Variants in CLCNKA observed in about 807,000 individuals in gnomAD.
The protein encoded by CLCNKA is chloride channel protein ClC-Ka.
In CLCNKA, 66 loss-of-function variants were observed where a neutral mutation model predicts 83.3. The ratio of observed to expected loss-of-function variants is 0.79; its 90% CI spans 0.65 to 0.97. CLCNKA has a LOEUF of 0.97. CLCNKA is among the 50% of genes least tolerant of loss of function. The pLI is 0.00. For synonymous variants in CLCNKA, 357 were observed against 370.4 expected, an observed-to-expected ratio of 0.96 and a Z score of 0.42; for missense variants, 806 against 888.7, an observed-to-expected ratio of 0.91 and a Z score of 1.18.
At chr1:16,031,955 A>T (rs1392755165) in intron 16 of CLCNKA, 112 bp downstream of exon 16, 3 of 1,560,404 alleles carry the variant, frequency 1.9e-6, no homozygotes. Context: ...TTAGCAACCA[A>T]CCGTGTGACC....
At chr1:16,032,582 A>C in intron 18 of CLCNKA, 56 bp downstream of exon 18, 1 of 1,344,372 alleles carries the variant, frequency 7.4e-7, no homozygotes. Context: ...GCAAGAGCTG[A>C]TGAGGAGCTC....
rs883867 is a variant in CLCNKA at position 16,031,590 on chromosome 1, C to A, written c.1623-120C>A. ...CCCTCATTCCAGGAACCTCTCCAGC[C>A]CTGCTCACACTCCAGAGCCGTGGGT... On this transcript the variant is annotated intron_variant, in intron 15 of 19. Coordinates refer to ENST00000331433, the MANE Select transcript of CLCNKA (RefSeq NM_004070.4). 0.091 allele frequency: 131,161 copies of A among 1,437,134 alleles called. 6,620 individuals carry two copies. Among genetic ancestry groups the A allele is most frequent in the Non-Finnish European group, 0.1 (104,883 of 1,040,944 alleles). The allele number at this position is 1,437,134 out of a possible 1,614,324, so 89.0% of individuals were successfully genotyped here. A position where few individuals can be genotyped will look rare whatever the true frequency, so the allele number is the denominator to read the frequency against.
At chr1:16,031,420 A>G (rs1223001314) in intron 15 of CLCNKA, among the ~76,000 whole-genome samples, 1 of 152,142 alleles carries the variant, frequency 6.6e-6, no homozygotes. Flanking sequence ...GTTTTCCGTC[A>G]TCTCACACTC....
At chr1:16,029,885 T>C (rs1298359465) in intron 13 of CLCNKA, 80 bp from the exon 14 acceptor site, 5 of 1,601,746 alleles carry the variant, frequency 3.1e-6, no homozygotes, top group African/African-American at 2.7e-5. Context: ...TCCCGGGTGG[T>C]ACTAAGGATG....
chr1:16,028,461 C>A, intron 10 of CLCNKA: 2 of 616,276 alleles, frequency 3.2e-6, no homozygotes, highest in Non-Finnish European at 5.9e-6. Context: ...ATGCACATGG[C>A]CCGCCCCGGC....
chr1:16,030,450 T>A lies in CLCNKA; in HGVS notation c.1409-11T>A. Reference sequence around the variant, plus strand: ...TGGCCTGAGCCGACCTGTGTGGCTCTGCCCCGGCAGGGGCTGCAGCCTTCT... The same window carrying A: ...TGGCCTGAGCCGACCTGTGTGGCTCAGCCCCGGCAGGGGCTGCAGCCTTCT... On this transcript the variant is annotated splice_polypyrimidine_tract_variant and intron_variant, in intron 14 of 19. Coordinates refer to ENST00000331433, the MANE Select transcript of CLCNKA (RefSeq NM_004070.4). 6.2e-7 allele frequency: 1 copy of A among 1,612,312 alleles called. No individual in the cohort carries two copies. The highest frequency in any genetic ancestry group is 1.3e-5 in the African/African-American group (1 of 75,060).
chr1:16,033,548 T>TGGGGGGGGGGGGG, intron 19 of CLCNKA, 63 bp from the exon 20 acceptor site: 1 of 1,121,918 alleles, frequency 8.9e-7, no homozygotes. Context: ...CTAAAAATGC[T>TGGGGGGGGGGGGG]GGAGCCCCCC....
At chr1:16,026,860 T>C in intron 7 of CLCNKA, 85 bp downstream of exon 7, 1 of 1,537,328 alleles carries the variant, frequency 6.5e-7, no homozygotes, top group Non-Finnish European at 9.0e-7. Flanking sequence ...GCTGAGAGCC[T>C]GGAGGAGGGG....
chr1:16,025,755 T>A (rs1458085714), intron 4 of CLCNKA, among the ~76,000 whole-genome samples: 1 of 152,080 alleles, frequency 6.6e-6, no homozygotes, highest in Non-Finnish European at 1.5e-5. Flanking sequence ...TTTTTGTTTG[T>A]TTGTTCGTTT....
At position 16,023,781 on chromosome 1, in the gene CLCNKA, C is replaced by G; in HGVS notation, c.101-19C>G. 1 of 1,613,788 alleles carries G rather than the reference C, an allele frequency of 6.2e-7. No homozygotes were observed. The highest frequency in any genetic ancestry group is 1.1e-5 in the South Asian group (1 of 91,076). ...CCCCTTGCCCCAACATAAGCTGGGACTCCGATACCCTGCCCCAGGTGGCCT... is the reference window on the plus strand; with the variant it reads ...CCCCTTGCCCCAACATAAGCTGGGAGTCCGATACCCTGCCCCAGGTGGCCT... On this transcript the variant is annotated intron_variant, in intron 2 of 19. Transcript: ENST00000331433.
intron 10 of CLCNKA, chr1:16,028,533 C>A: frequency 2.9e-6 from 2 of 679,034 alleles, no homozygotes; most frequent in Non-Finnish European, 2.7e-6. Flanking sequence ...CAATCTCCTG[C>A]GTGATTCCTC....
At position 16,028,046 on chromosome 1, in the gene CLCNKA, T is replaced by G; in HGVS notation, c.895T>G (p.Tyr299Asp). Residue 299 changes from tyrosine (Y) to aspartate (D), a missense_variant, in exon 10 of 20, where the codon TAC (tyrosine) becomes GAC (aspartate). Coordinates refer to ENST00000331433, the MANE Select transcript of CLCNKA (RefSeq NM_004070.4). ...GGICGVLSCA[Y>D]LFCQRTFLSF... ...CATCTGCGGCGTCCTGAGCTGTGCT[T>G]ACCTCTTCTGTCAGCGAACCTTCCT... 1 of 1,613,762 alleles carries G rather than the reference T, an allele frequency of 6.2e-7. No individual in the cohort carries two copies. The highest frequency in any genetic ancestry group is 8.5e-7 in the Non-Finnish European group (1 of 1,179,762).
chr1:16,026,274 G>GCCACCCCCCCCCCCCAACCCCCCCCCC, intron 5 of CLCNKA, 27 bp downstream of exon 5: 1 of 1,611,710 alleles, frequency 6.2e-7, no homozygotes, highest in Non-Finnish European at 8.5e-7. Flanking sequence ...GGGCACCCCA[G>GCCACCCCCCCCCCCCAACCCCCCCCCC]CCACCCCGCC....
rs753265556 is a variant in CLCNKA at position 16,027,808 on chromosome 1, C to T, written c.782-13C>T. On this transcript the variant is annotated splice_polypyrimidine_tract_variant and intron_variant, in intron 8 of 19. Transcript: ENST00000331433. ...GAGCGCCATCTTGGCTCCCCACTGC[C>T]CTCCTTCCCCAGAGACCATCACCTC... The T allele has an allele frequency of 1.2e-6, 2 of 1,605,604 alleles. No homozygotes were observed. Among genetic ancestry groups the T allele is most frequent in the Non-Finnish European group, 1.7e-6 (2 of 1,175,400 alleles).
chr1:16,026,460 G>A, intron 5 of CLCNKA, 76 bp from the exon 6 acceptor site: 1 of 1,588,674 alleles, frequency 6.3e-7, no homozygotes, highest in East Asian at 2.2e-5. Context: ...AGGAGGGGGT[G>A]TGGTGGGGAA....
intron 5 of CLCNKA, 110 bp downstream of exon 5, chr1:16,026,357 C>A: frequency 6.7e-7 from 1 of 1,492,608 alleles, no homozygotes; most frequent in Non-Finnish European, 9.2e-7. Flanking sequence ...CCAGTGCCTG[C>A]CTTCAGGGAG....
At chr1:16,029,589 C>T in intron 12 of CLCNKA, 142 bp from the exon 13 acceptor site, 1 of 1,161,482 alleles carries the variant, frequency 8.6e-7, no homozygotes, top group Non-Finnish European at 1.3e-6. Flanking sequence ...GGACCCTCCC[C>T]TAATGCCAGA....
chr1:16,026,281 C>G, intron 5 of CLCNKA, 34 bp downstream of exon 5: 1 of 1,610,376 alleles, frequency 6.2e-7, no homozygotes. Context: ...CCAGCCACCC[C>G]GCCCACCCTA....
chr1:16,030,611 A>G lies in CLCNKA; in HGVS notation c.1559A>G (p.Tyr520Cys). ...AIAQSCQPSF[Y>C]DGTIIVKKLP... is the part of the protein sequence containing the mutation. Reference sequence around the variant, plus strand: ...GCACAGAGCTGCCAGCCCTCCTTCTATGATGGCACCATCATTGTCAAGAAG... The same window carrying G: ...GCACAGAGCTGCCAGCCCTCCTTCTGTGATGGCACCATCATTGTCAAGAAG... The change falls in exon 15 of 20, where the codon TAT becomes TGT. Residue 520 changes from tyrosine to cysteine, a missense_variant. Transcript: ENST00000331433. 1 of 1,613,070 alleles carries G rather than the reference A, an allele frequency of 6.2e-7. No individual in the cohort carries two copies. Among genetic ancestry groups the G allele is most frequent in the East Asian group, 2.2e-5 (1 of 44,886 alleles).
Sources: gnomAD v4.1 joint callset for allele counts (sites outside exome capture counted in the v4.1 genomes callset) on GRCh38, gnomAD v4.1.1 for gene constraint, MANE v1.5 for transcripts, NCBI Gene and HGNC (gene_info 2026-07-23, HGNC 2026-07-21) for gene names.